MYO16: variants seen among roughly 807,000 people sequenced by gnomAD.
MYO16 encodes the protein myosin XVI.
MYO16 carries 94 observed loss-of-function variants against 205.3 expected under a neutral mutation model. That is an observed-to-expected ratio of 0.46 (90% CI 0.39 to 0.54). The LOEUF (loss-of-function observed/expected upper bound fraction) is 0.54, where lower values mean the gene tolerates loss of function less well. Ranked by LOEUF, MYO16 falls within the 20% of genes least tolerant of loss-of-function variation. MYO16 has a pLI of 0.00. For missense variants in MYO16, 2,315 were observed against 2,387.5 expected, an observed-to-expected ratio of 0.97 and a Z score of 0.63; for synonymous variants, 988 against 954.0, an observed-to-expected ratio of 1.04 and a Z score of -0.66.
chr13:108,759,271 A>C (rs998123134), intron 4 of MYO16, among the ~76,000 whole-genome samples: 1 of 152,350 alleles, frequency 6.6e-6, no homozygotes, highest in Admixed American at 6.5e-5. Context: ...TGAAGTGTGA[A>C]TAGTTACCAG....
chr13:109,197,651 G>A (rs1880215528), intron 34 of MYO16, among the ~76,000 whole-genome samples: 1 of 152,068 alleles, frequency 6.6e-6, no homozygotes, highest in African/African-American at 2.4e-5. Context: ...TAATATACAT[G>A]ATACTTTTTA....
At chr13:108,570,395 T>A in the MYO16 span, among the ~76,000 whole-genome samples, 45 of 152,210 alleles carry the variant, frequency 3.0e-4, no homozygotes, top group African/African-American at 9.9e-4. Flanking sequence ...ACTACAAGTG[T>A]GCACCACCAT....
chr13:109,201,092 C>G (rs1454191929), intron 34 of MYO16, among the ~76,000 whole-genome samples: 1 of 152,068 alleles, frequency 6.6e-6, no homozygotes, highest in African/African-American at 2.4e-5. Context: ...GAATTGGTCT[C>G]TATTTTCATA....
intron 32 of MYO16, among the ~76,000 whole-genome samples, chr13:109,160,896 C>G (rs1351240864): frequency 3.3e-5 from 5 of 152,190 alleles, no homozygotes; most frequent in Admixed American, 3.3e-4. Context: ...TTGTAATTCC[C>G]TCACTGCTGA....
At chr13:108,889,058 AAAAAG>A (rs1205657147) in intron 14 of MYO16, among the ~76,000 whole-genome samples, 4 of 152,184 alleles carry the variant, frequency 2.6e-5, no homozygotes, top group African/African-American at 7.2e-5. Flanking sequence ...TCTCAAAAAA[AAAAAG>A]AAAAGAAAAA....
rs765328669 is a variant in MYO16 at position 109,009,056 on chromosome 13, A to G, written c.2595+7A>G. 1.3e-6 allele frequency: 2 copies of G among 1,574,136 alleles called. No individual in the cohort carries two copies. The highest frequency in any genetic ancestry group is 1.4e-5 in the African/African-American group (1 of 72,874). ...TTTGGACTTTTTTTTCCAGGTATTCATATAATATAATTAGATACTTAACAG... is the reference window on the plus strand; with the variant it reads ...TTTGGACTTTTTTTTCCAGGTATTCGTATAATATAATTAGATACTTAACAG... On this transcript the variant is annotated splice_region_variant and intron_variant, in intron 22 of 34. Coordinates refer to ENST00000457511, the MANE Select transcript of MYO16 (RefSeq NM_001198950.3).
chr13:108,507,996 T>A, the MYO16 span, among the ~76,000 whole-genome samples: 1 of 152,110 alleles, frequency 6.6e-6, no homozygotes, highest in African/African-American at 2.4e-5. Context: ...TTTTAATGTG[T>A]AATTCCTATC....
At chr13:108,957,433 G>A (rs974006789) in intron 16 of MYO16, among the ~76,000 whole-genome samples, 1 of 148,846 alleles carries the variant, frequency 6.7e-6, no homozygotes, top group South Asian at 2.1e-4. Flanking sequence ...ACCTTCTCCT[G>A]TCACAAGGAA....
intron 2 of MYO16, among the ~76,000 whole-genome samples, chr13:108,701,626 A>G (rs1372423123): frequency 6.6e-6 from 1 of 152,238 alleles, no homozygotes; most frequent in Non-Finnish European, 1.5e-5. Context: ...AAACCAAACT[A>G]AAAAACATAG....
intron 22 of MYO16, among the ~76,000 whole-genome samples, chr13:109,011,498 C>CTTTTTTTTTTTTTTT (rs34575828): frequency 4.2e-4 from 54 of 129,838 alleles, no homozygotes; most frequent in South Asian, 1.0e-3. Flanking sequence ...TTCTTCCTTT[C>CTTTTTTTTTTTTTTT]TTTTTTTTTT....
intron 2 of MYO16, among the ~76,000 whole-genome samples, chr13:108,699,764 A>AT (rs1341555720): frequency 3.3e-5 from 5 of 152,276 alleles, no homozygotes; most frequent in Non-Finnish European, 1.5e-5. Flanking sequence ...CCTTTTGAAT[A>AT]TTTTTTCCAT....
chr13:109,111,319 C>T (rs1889275405), intron 28 of MYO16, among the ~76,000 whole-genome samples: 1 of 152,164 alleles, frequency 6.6e-6, no homozygotes, highest in Non-Finnish European at 1.5e-5. Flanking sequence ...GAGGGGAGAA[C>T]TCTGCAGACA....
intron 34 of MYO16, among the ~76,000 whole-genome samples, chr13:109,203,554 C>G (rs1016163048): frequency 6.6e-6 from 1 of 152,074 alleles, no homozygotes; most frequent in Non-Finnish European, 1.5e-5. Flanking sequence ...ACCAGTCTAC[C>G]CCTGGTTCTC....
chr13:108,684,974 T>C (rs1368491488), intron 2 of MYO16, among the ~76,000 whole-genome samples: 1 of 151,706 alleles, frequency 6.6e-6, no homozygotes, highest in Non-Finnish European at 1.5e-5. Context: ...GTTCTGGGAG[T>C]TGTCCTAACA....
intron 7 of MYO16, among the ~76,000 whole-genome samples, chr13:108,818,073 T>G (rs1330914771): frequency 1.3e-5 from 2 of 152,112 alleles, no homozygotes; most frequent in Non-Finnish European, 2.9e-5. Flanking sequence ...TGTTACAACT[T>G]ACAAAGTTTT....
At chr13:108,831,409 T>C (rs1416005866) in intron 9 of MYO16, among the ~76,000 whole-genome samples, 2 of 152,226 alleles carry the variant, frequency 1.3e-5, no homozygotes, top group African/African-American at 4.8e-5. Context: ...AAAGGACAGA[T>C]TTCTCTGGTA....
the MYO16 span, among the ~76,000 whole-genome samples, chr13:108,556,051 T>C: frequency 2.0e-5 from 3 of 152,200 alleles, no homozygotes; most frequent in Non-Finnish European, 2.9e-5. Context: ...TGCTAATGGA[T>C]ACTTAGGTGA....
At chr13:109,019,362 A>G (rs956091914) in intron 22 of MYO16, among the ~76,000 whole-genome samples, 1 of 152,128 alleles carries the variant, frequency 6.6e-6, no homozygotes, top group African/African-American at 2.4e-5. Context: ...GGAATATTTT[A>G]TATGGATTAT....
chr13:109,130,862 G>C (rs935376459), intron 31 of MYO16, among the ~76,000 whole-genome samples: 5 of 152,162 alleles, frequency 3.3e-5, no homozygotes, highest in African/African-American at 1.2e-4. Context: ...TAAGTTTAGA[G>C]TAAATAAAAT....
Sources: gnomAD v4.1 joint callset for allele counts (sites outside exome capture counted in the v4.1 genomes callset) on GRCh38, gnomAD v4.1.1 for gene constraint, MANE v1.5 for transcripts, NCBI Gene and HGNC (gene_info 2026-07-23, HGNC 2026-07-21) for gene names.